The following ACP6 variants were observed in gnomAD, a reference collection of about 807,000 sequenced individuals.
ACP6 encodes the protein acid phosphatase 6, lysophosphatidic, also known as lysophosphatidic acid phosphatase type 6.
A neutral mutation model predicts 48.1 loss-of-function variants in ACP6; 48 were observed. The ratio of observed to expected loss-of-function variants is 1.00; its 90% confidence interval spans 0.79 to 1.27. The LOEUF (loss-of-function observed/expected upper bound fraction) is 1.27, where lower values mean the gene tolerates loss of function less well. ACP6 is among the 50% of genes most tolerant of loss of function. ACP6 has a pLI of 0.00. For synonymous variants in ACP6, 172 were observed against 204.2 expected, an observed-to-expected ratio of 0.84 and a Z score of 1.34; for missense variants, 485 against 529.1, an observed-to-expected ratio of 0.92 and a Z score of 0.82.
exon 6 of ACP6, chr1:147,630,820 T>C (rs1659146043): frequency 6.6e-6 from 1 of 152,224 alleles, no homozygotes; most frequent in Non-Finnish European, 1.5e-5. Flanking sequence ...TCCTGGGCTT[T>C]GGTAAAATTC....
intron 1 of ACP6, among the ~76,000 whole-genome samples, chr1:147,666,279 A>G (rs1264950305): frequency 3.3e-5 from 5 of 152,220 alleles, no homozygotes; most frequent in African/African-American, 1.2e-4. Flanking sequence ...CATAAAGAGG[A>G]TAGAGTAATA....
At position 147,650,197 on chromosome 1, in the gene ACP6, A is replaced by G. The variant is rs782711818; in HGVS notation, c.923T>C (p.Leu308Pro). 4 of 1,605,780 alleles carry G rather than the reference A, an allele frequency of 2.5e-6. No homozygotes were observed. Among genetic ancestry groups the G allele is most frequent in the Non-Finnish European group, 3.4e-6 (4 of 1,176,796 alleles). ...QMAVGPFLHI[L>P]ESNLLKAMDS... is the part of the protein sequence containing the mutation. Reference sequence around the variant, plus strand: ...CATGGCTTTCAGCAGGTTGCTCTCTAGGATGTGGAGGAATGGGCCTACTGC... The same window carrying G: ...CATGGCTTTCAGCAGGTTGCTCTCTGGGATGTGGAGGAATGGGCCTACTGC... Residue 308 changes from leucine to proline, a missense_variant, in exon 8 of 10, where the codon CTA becomes CCA. Transcript: ENST00000583509.
chr1:147,640,942 C>A (rs917183951), downstream of ACP6, among the ~76,000 whole-genome samples: 2 of 152,092 alleles, frequency 1.3e-5, no homozygotes, highest in South Asian at 4.1e-4. Flanking sequence ...AGGGCAGGGT[C>A]TGAAGAGAGC....
At position 147,669,837 on chromosome 1, in the gene ACP6, T is replaced by A; in HGVS notation, c.212A>T (p.Glu71Val). 6.3e-7 allele frequency: 1 copy of A among 1,590,458 alleles called. No homozygotes were observed. The highest frequency in any genetic ancestry group is 8.6e-7 in the Non-Finnish European group (1 of 1,166,966). The change falls in exon 1 of 10, where the codon GAG (glutamate) becomes GTG (valine). Residue 71 changes from glutamate to valine, a missense_variant. Physicochemically the swap from Glu to Val is moderately radical, Grantham distance 121. Coordinates refer to ENST00000583509, the MANE Select transcript of ACP6 (RefSeq NM_016361.5). ...CCCGGGCCGACCTCTCACCTGCTCC[T>A]CCAGCGGGAGCGGCTTGAGAGGACT... is the stretch of plus-strand genomic sequence containing the variant. ...ARSPLKPLPLEEQVEWNPQLL... is the reference protein window; with the variant it reads ...ARSPLKPLPLVEQVEWNPQLL...
chr1:147,629,882 C>G, exon 6 of ACP6: 1 of 152,126 alleles, frequency 6.6e-6, no homozygotes, highest in Non-Finnish European at 1.5e-5. Context: ...ATAGGTGACC[C>G]CACTTCAGCT....
downstream of ACP6, among the ~76,000 whole-genome samples, chr1:147,637,707 G>A (rs1372340678): frequency 2.0e-5 from 3 of 152,126 alleles, no homozygotes; most frequent in African/African-American, 7.2e-5. Context: ...CTTCAGTTGT[G>A]GGCAACTGAT....
chr1:147,631,642 C>T lies in ACP6; in HGVS notation c.461-577G>A, dbSNP rs190742888. Among the ~76,000 whole-genome samples the T allele has an allele frequency of 3.9e-3, 601 of 152,176 alleles. 7 individuals are homozygous for T. The highest frequency in any genetic ancestry group is 0.014 in the African/African-American group (572 of 41,522). The stretch of plus-strand genomic sequence containing the variant: ...CATCCTGGCCAACATGGTGAAACCC[C>T]GTCTCTACTAAAAATACAAAAATTA... On this transcript the variant is annotated intron_variant, in intron 5 of 5. Transcript: ENST00000609196.
chr1:147,669,114 C>T (rs1436871538), intron 1 of ACP6, among the ~76,000 whole-genome samples: 2 of 151,926 alleles, frequency 1.3e-5, no homozygotes, highest in Non-Finnish European at 2.9e-5. Flanking sequence ...ACTATTTGTG[C>T]TTTAGTCATA....
chr1:147,648,181 C>T, intron 9 of ACP6, 65 bp downstream of exon 9: 7 of 1,584,866 alleles, frequency 4.4e-6, no homozygotes, highest in Non-Finnish European at 5.2e-6. Context: ...TTGGTGCTAA[C>T]TCAGGTAGGT....
chr1:147,654,354 A>G (rs1553211205), intron 5 of ACP6, 28 bp from the exon 6 acceptor site: 1 of 1,611,342 alleles, frequency 6.2e-7, no homozygotes, highest in Admixed American at 1.7e-5. Flanking sequence ...GTAAAGCCTT[A>G]TATTCTATAG....
intron 4 of ACP6, among the ~76,000 whole-genome samples, chr1:147,657,027 AT>A (rs1319230864): frequency 6.6e-6 from 1 of 152,224 alleles, no homozygotes; most frequent in Non-Finnish European, 1.5e-5. Context: ...GCATCTGTAG[AT>A]TTTGGTATCT....
chr1:147,655,292 T>C (rs782544035), intron 4 of ACP6, 44 bp from the exon 5 acceptor site: 7 of 1,436,288 alleles, frequency 4.9e-6, no homozygotes, highest in Non-Finnish European at 6.7e-6. Context: ...GGCTTCAGCT[T>C]GTTCTTCCCA....
chr1:147,633,507 CTTT>C (rs1273370053), intron 5 of ACP6, among the ~76,000 whole-genome samples: 1 of 147,052 alleles, frequency 6.8e-6, no homozygotes, highest in African/African-American at 2.5e-5. Context: ...GCAAAAGTTT[CTTT>C]TTTTTTTTTT....
chr1:147,657,125 T>C (rs1660297427), intron 4 of ACP6, among the ~76,000 whole-genome samples: 1 of 152,238 alleles, frequency 6.6e-6, no homozygotes, highest in Admixed American at 6.5e-5. Flanking sequence ...AGAATAACTA[T>C]GACTTAAACT....
chr1:147,630,420 C>G (rs905278598), exon 6 of ACP6: 3 of 152,188 alleles, frequency 2.0e-5, no homozygotes, highest in Non-Finnish European at 4.4e-5. Flanking sequence ...TTTCAATAAT[C>G]TTTTTGTTTT....
downstream of ACP6, among the ~76,000 whole-genome samples, chr1:147,639,076 C>T (rs1445364345): frequency 1.3e-5 from 2 of 152,092 alleles, no homozygotes; most frequent in African/African-American, 2.4e-5. Flanking sequence ...AGGCTAGCCT[C>T]GAACCCCTGG....
At chr1:147,637,488 G>A (rs1205606943), downstream of ACP6, among the ~76,000 whole-genome samples, 2 of 152,118 alleles carry the variant, frequency 1.3e-5, no homozygotes, top group Admixed American at 6.5e-5. Context: ...TCCTCTTGAT[G>A]GTCTTTCTCC....
At position 147,647,764 on chromosome 1, in the gene ACP6, G is replaced by A. The variant is rs935350041; in HGVS notation, c.1144-198C>T. On this transcript the variant is annotated intron_variant, in intron 9 of 9. Coordinates refer to ENST00000583509, the MANE Select transcript of ACP6 (RefSeq NM_016361.5). ...TGCTTGTAAAAGTCACTCAAAAAGT[G>A]TTGAATTGACTGGGAAGAAAGAGTC... 5.6e-6 allele frequency: 4 copies of A among 711,432 alleles called. No individual in the cohort carries two copies. The Admixed American group carries it at 9.6e-5, about 17-fold the overall frequency. 44.1% of individuals were successfully genotyped at this position (711,432 alleles called of 1,614,324 possible).
chr1:147,657,817 G>A (rs587639159), intron 4 of ACP6, among the ~76,000 whole-genome samples: 9 of 152,322 alleles, frequency 5.9e-5, no homozygotes, highest in African/African-American at 2.2e-4. Context: ...TAGGTCCAGC[G>A]CAGGGAGCTG....
Sources: allele counts gnomAD v4.1 joint callset (sites outside exome capture counted in the v4.1 genomes callset), GRCh38; gene constraint gnomAD v4.1.1; transcripts MANE v1.5; gene names NCBI Gene and HGNC (gene_info 2026-07-23, HGNC 2026-07-21).